Variants in MAPK10 observed in about 807,000 individuals in gnomAD.
MAPK10 encodes the protein JNK3 alpha protein kinase.
MAPK10 carries 25 observed loss-of-function variants against 59.3 expected under a neutral mutation model. That is an observed-to-expected ratio of 0.42 (90% CI 0.31 to 0.59). The LOEUF is 0.59. Among genes scored for constraint, MAPK10 ranks in the 20% least tolerant of loss-of-function variants. The pLI is 0.15. For missense variants in MAPK10, 351 were observed against 568.9 expected (o/e 0.62, Z 3.90); for synonymous variants, 190 against 200.5 (o/e 0.95, Z 0.44).
At chr4:86,289,468 G>C (rs1000481109) in intron 2 of MAPK10, among the ~76,000 whole-genome samples, 1 of 151,674 alleles carries the variant, frequency 6.6e-6, no homozygotes, top group Non-Finnish European at 1.5e-5. Flanking sequence ...TTAGGAGACA[G>C]TTTCTATATT....
intron 9 of MAPK10, among the ~76,000 whole-genome samples, chr4:86,086,288 A>C (rs367738484): frequency 4.9e-4 from 74 of 152,310 alleles, no homozygotes; most frequent in African/African-American, 1.8e-3. Context: ...GGGGATGGTT[A>C]ACGGCTAAAA....
chr4:86,130,854 G>A (rs1338328306), intron 4 of MAPK10, among the ~76,000 whole-genome samples: 1 of 152,128 alleles, frequency 6.6e-6, no homozygotes, highest in Non-Finnish European at 1.5e-5. Context: ...CCTGAACAGT[G>A]ATAAAGGCTC....
At position 86,011,787 on chromosome 4, in the gene MAPK10, C is replaced by A. The variant is rs1346825215; in HGVS notation, c.*5441G>T. On this transcript the variant is annotated 3_prime_UTR_variant, in exon 14 of 14. Transcript: ENST00000641462. ...AGGTAAAACGATAAATGTGATAACT[C>A]AAAATAATGTGTATGTTTATCTTCC... 1 of 152,068 alleles carries A rather than the reference C, an allele frequency of 6.6e-6. No individual in the cohort carries two copies. The highest frequency in any genetic ancestry group is 1.5e-5 in the Non-Finnish European group (1 of 68,008). The allele number at this position is 152,068 out of a possible 1,614,324, so 9.4% of individuals were successfully genotyped here.
At chr4:86,395,205 G>A (rs1742757060) in intron 1 of MAPK10, among the ~76,000 whole-genome samples, 1 of 152,004 alleles carries the variant, frequency 6.6e-6, no homozygotes. Context: ...AAAAAAGAAG[G>A]TATCATTAAT....
chr4:86,479,488 A>C lies in MAPK10; in HGVS notation c.-263+114422T>G, dbSNP rs542525511. 1.7e-3 allele frequency among the ~76,000 whole-genome samples: 258 copies of C among 151,494 alleles called. 1 individual carries two copies. Among genetic ancestry groups the C allele is most frequent in the Non-Finnish European group, 3.1e-3 (213 of 67,816 alleles). ...GCACCCCCCACCAAAAAAAAAAAAAAACTTGTCGTCCCTACTATCTTCTGT... is the reference window on the plus strand; with the variant it reads ...GCACCCCCCACCAAAAAAAAAAAAACACTTGTCGTCCCTACTATCTTCTGT... On this transcript the variant is annotated intron_variant, in intron 1 of 4. Transcript: ENST00000502302.
intron 1 of MAPK10, among the ~76,000 whole-genome samples, chr4:86,486,230 C>T (rs1753980655): frequency 6.6e-6 from 1 of 152,182 alleles, no homozygotes; most frequent in South Asian, 2.1e-4. Flanking sequence ...TTGGATTGTA[C>T]TGGGCCATTA....
At chr4:86,175,416 A>G (rs961462637) in intron 3 of MAPK10, among the ~76,000 whole-genome samples, 3 of 152,076 alleles carry the variant, frequency 2.0e-5, no homozygotes, top group African/African-American at 4.8e-5. Context: ...GTCTACCCCA[A>G]TCTCCTGTGG....
chr4:86,171,273 A>G (rs987828064), intron 3 of MAPK10, among the ~76,000 whole-genome samples: 1 of 152,164 alleles, frequency 6.6e-6, no homozygotes, highest in African/African-American at 2.4e-5. Flanking sequence ...TCAAAAAATT[A>G]ATGAACCTAG....
rs377734938 is a variant in MAPK10, at chr4:86,040,166, C to A, written c.1111-8735G>T. 4.2e-4 allele frequency among the ~76,000 whole-genome samples: 64 copies of A among 152,078 alleles called. No individual in the cohort carries two copies. The East Asian group carries it at 8.7e-3, about 21-fold the overall frequency. On this transcript the variant is annotated intron_variant, in intron 11 of 13. Transcript: ENST00000641462. ...TACAAAAATCTCCCAGTGGCTGAGT[C>A]AAGAGAAGTGGAAATATATAAACTA... is the stretch of plus-strand genomic sequence containing the variant.
At chr4:86,524,728 T>G (rs1214442301) in intron 1 of MAPK10, among the ~76,000 whole-genome samples, 1 of 152,194 alleles carries the variant, frequency 6.6e-6, no homozygotes, top group Non-Finnish European at 1.5e-5. Flanking sequence ...TGAATTAGTT[T>G]TTTTTAAGTT....
intron 1 of MAPK10, among the ~76,000 whole-genome samples, chr4:86,548,469 A>G (rs974021616): frequency 1.1e-4 from 16 of 152,134 alleles, no homozygotes; most frequent in South Asian, 6.2e-4. Flanking sequence ...TATGGTTTGG[A>G]TCTCTGTCCC....
intron 1 of MAPK10, among the ~76,000 whole-genome samples, chr4:86,356,050 C>A (rs879664944): frequency 2.6e-4 from 39 of 151,770 alleles, no homozygotes; most frequent in Non-Finnish European, 4.1e-4. Flanking sequence ...TCTTCACACA[C>A]ACACACACAC....
intron 2 of MAPK10, among the ~76,000 whole-genome samples, chr4:86,268,883 T>C (rs2094341483): frequency 6.6e-6 from 1 of 152,126 alleles, no homozygotes; most frequent in African/African-American, 2.4e-5. Flanking sequence ...AAAAATTGTC[T>C]CCTCCACTCT....
At chr4:86,041,640 C>G (rs747189087) in intron 11 of MAPK10, among the ~76,000 whole-genome samples, 19 of 152,000 alleles carry the variant, frequency 1.3e-4, no homozygotes, top group Non-Finnish European at 2.5e-4. Flanking sequence ...ACAAACAACC[C>G]CATCAAAAAG....
At chr4:86,489,596 C>T (rs1248749216) in intron 1 of MAPK10, among the ~76,000 whole-genome samples, 1 of 152,116 alleles carries the variant, frequency 6.6e-6, no homozygotes, top group African/African-American at 2.4e-5. Flanking sequence ...CTAACCGATA[C>T]CAAAAAGGAA....
At chr4:86,023,555 C>A (rs1485052879) in intron 13 of MAPK10, among the ~76,000 whole-genome samples, 1 of 151,978 alleles carries the variant, frequency 6.6e-6, no homozygotes, top group African/African-American at 2.4e-5. Context: ...ATTAAATATT[C>A]TAATCCATGA....
At chr4:86,372,300 C>G (rs538618691) in intron 1 of MAPK10, among the ~76,000 whole-genome samples, 33 of 152,152 alleles carry the variant, frequency 2.2e-4, no homozygotes, top group African/African-American at 7.9e-4. Flanking sequence ...GGGCAGATCA[C>G]GAGGTCAGGA....
At chr4:86,484,745 T>A (rs1256457107) in intron 1 of MAPK10, among the ~76,000 whole-genome samples, 3 of 151,426 alleles carry the variant, frequency 2.0e-5, no homozygotes, top group African/African-American at 4.9e-5. Context: ...TTTACAGATT[T>A]AAAAAAAAAC....
intron 2 of MAPK10, among the ~76,000 whole-genome samples, chr4:86,208,638 G>C (rs931735523): frequency 6.6e-6 from 1 of 151,906 alleles, no homozygotes; most frequent in Non-Finnish European, 1.5e-5. Context: ...ATATCATACT[G>C]AATGGGCAAA....
Sources: gnomAD v4.1 joint callset for allele counts (sites outside exome capture counted in the v4.1 genomes callset) on GRCh38, gnomAD v4.1.1 for gene constraint, MANE v1.5 for transcripts, NCBI Gene and HGNC (gene_info 2026-07-23, HGNC 2026-07-21) for gene names.